The following FAM117A variants were observed in gnomAD, a reference collection of about 807,000 sequenced individuals.
The protein encoded by FAM117A is protein FAM117A.
Under a neutral mutation model 44.1 loss-of-function variants are expected in FAM117A, and 21 were observed. The ratio of observed to expected loss-of-function variants is 0.48; its 90% CI spans 0.34 to 0.69. The LOEUF is 0.69. Among genes scored for constraint, FAM117A ranks in the 30% least tolerant of loss-of-function variants. The pLI, the probability that FAM117A is intolerant of heterozygous loss-of-function variation, is 0.01. For synonymous variants in FAM117A, 220 were observed against 238.3 expected (o/e 0.92, Z 0.71); for missense variants, 498 against 589.9 (o/e 0.84, Z 1.61).
intron 1 of FAM117A, among the ~76,000 whole-genome samples, chr17:49,785,225 T>C (rs1482521522): frequency 6.6e-6 from 1 of 152,208 alleles, no homozygotes; most frequent in African/African-American, 2.4e-5. Flanking sequence ...AATTTAAAAC[T>C]TGTCCAAGGC....
Position 49,717,689 on chromosome 17 carries a change from C to T in FAM117A, c.734G>A (p.Arg245Gln), listed in dbSNP as rs1390424556. The change falls in exon 6 of 8, where the codon CGG becomes CAG. Residue 245 changes from arginine (R) to glutamine (Q), a missense_variant. Transcript: ENST00000240364. ...LRILDIPDGH[R>Q]APAPPQSGSC... ...GCCACTCTGGGGAGGAGCTGGGGCCCGGTGCCCATCAGGGATATCAAGGAT... is the reference window on the plus strand; with the variant it reads ...GCCACTCTGGGGAGGAGCTGGGGCCTGGTGCCCATCAGGGATATCAAGGAT... The T allele has an allele frequency of 5.0e-6, 8 of 1,611,252 alleles. No homozygotes were observed. The highest frequency in any genetic ancestry group is 6.8e-6 in the Non-Finnish European group (8 of 1,178,200).
upstream of FAM117A, chr17:49,788,891 G>A (rs1204702900): frequency 6.5e-7 from 1 of 1,547,224 alleles, no homozygotes; most frequent in African/African-American, 1.4e-5. Flanking sequence ...TCTAAGGACA[G>A]TCGATTGAGC....
At chr17:49,718,910 G>A (rs1481874827) in intron 5 of FAM117A, among the ~76,000 whole-genome samples, 2 of 149,250 alleles carry the variant, frequency 1.3e-5, no homozygotes, top group Non-Finnish European at 3.0e-5. Flanking sequence ...CCGGGAGGCG[G>A]AGATTGCAGT....
chr17:49,722,845 G>A (rs999311756), intron 2 of FAM117A, among the ~76,000 whole-genome samples: 38 of 152,104 alleles, frequency 2.5e-4, no homozygotes, highest in Admixed American at 2.5e-3. Flanking sequence ...TTTTCTGAGT[G>A]CTATACATAT....
intron 1 of FAM117A, among the ~76,000 whole-genome samples, chr17:49,740,453 G>C (rs922998377): frequency 6.6e-6 from 1 of 152,160 alleles, no homozygotes; most frequent in Admixed American, 6.5e-5. Flanking sequence ...GTTTCACCGT[G>C]TTAGCCAGGA....
chr17:49,761,831 TCTC>T (rs1388536367), intron 1 of FAM117A, among the ~76,000 whole-genome samples: 4 of 152,142 alleles, frequency 2.6e-5, no homozygotes, highest in Non-Finnish European at 4.4e-5. Flanking sequence ...GCCACTTTCT[TCTC>T]CTATTTTTTC....
intron 1 of FAM117A, among the ~76,000 whole-genome samples, chr17:49,761,408 A>C (rs144868390): frequency 6.6e-6 from 1 of 152,248 alleles, no homozygotes; most frequent in Admixed American, 6.5e-5. Context: ...AGCAGAGGGA[A>C]TAATAATATA....
chr17:49,724,883 T>A (rs2073553046), intron 2 of FAM117A, among the ~76,000 whole-genome samples: 1 of 148,446 alleles, frequency 6.7e-6, no homozygotes, highest in Non-Finnish European at 1.5e-5. Flanking sequence ...AAGAAAGGGA[T>A]GTGAAAATCA....
intron 1 of FAM117A, among the ~76,000 whole-genome samples, chr17:49,742,069 TAGAA>T (rs1485832019): frequency 6.6e-6 from 1 of 151,948 alleles, no homozygotes; most frequent in African/African-American, 2.4e-5. Flanking sequence ...GAAACTACAT[TAGAA>T]AGAAAGAAGA....
intron 7 of FAM117A, among the ~76,000 whole-genome samples, chr17:49,714,692 G>A (rs2073494219): frequency 6.7e-6 from 1 of 149,058 alleles, no homozygotes; most frequent in Non-Finnish European, 1.5e-5. Context: ...TGTTGCCCAG[G>A]CTGGAGTGCG....
intron 1 of FAM117A, among the ~76,000 whole-genome samples, chr17:49,734,204 CATCTGTAGTA>C (rs2073600119): frequency 6.6e-6 from 1 of 151,242 alleles, no homozygotes; most frequent in African/African-American, 2.4e-5. Context: ...AACACTTTCA[CATCTGTAGTA>C]ATCCCTTAAT....
intron 2 of FAM117A, among the ~76,000 whole-genome samples, chr17:49,724,955 G>A (rs910482053): frequency 6.6e-6 from 1 of 151,948 alleles, no homozygotes; most frequent in African/African-American, 2.4e-5. Flanking sequence ...GCTCAGCAAC[G>A]TCTTCCACCA....
chr17:49,724,716 G>GT (rs1245381789), intron 2 of FAM117A, among the ~76,000 whole-genome samples: 1 of 151,420 alleles, frequency 6.6e-6, no homozygotes, highest in Non-Finnish European at 1.5e-5. Flanking sequence ...AGCTATTCAG[G>GT]TAGCTGAGGC....
chr17:49,728,908 T>C (rs919982699), intron 2 of FAM117A, among the ~76,000 whole-genome samples: 4 of 152,170 alleles, frequency 2.6e-5, no homozygotes, highest in African/African-American at 9.7e-5. Context: ...ATATCACAAA[T>C]AACATATATC....
intron 1 of FAM117A, among the ~76,000 whole-genome samples, chr17:49,734,549 G>A (rs1369072289): frequency 1.3e-5 from 2 of 151,958 alleles, no homozygotes; most frequent in Non-Finnish European, 1.5e-5. Flanking sequence ...CCGAGATAGC[G>A]CCACTGCAGT....
intron 1 of FAM117A, among the ~76,000 whole-genome samples, chr17:49,748,049 G>A (rs1370997767): frequency 2.6e-5 from 4 of 152,138 alleles, no homozygotes; most frequent in African/African-American, 9.7e-5. Context: ...TTATGAGGTC[G>A]CCTCTCCTGT....
At chr17:49,754,810 G>T (rs185048526) in intron 1 of FAM117A, among the ~76,000 whole-genome samples, 100 of 151,954 alleles carry the variant, frequency 6.6e-4, no homozygotes, top group Admixed American at 3.2e-3. Context: ...AGGCCAAGGC[G>T]GGTGGATTAC....
In FAM117A at chr17:49,732,162, A is replaced by G. The variant is rs976176080; in HGVS notation, c.366+389T>C. On this transcript the variant is annotated intron_variant, in intron 2 of 7. Transcript: ENST00000240364. Reference sequence around the variant, plus strand: ...TACCCCGACACAAATACTCAAAGCTAAACTGAAAAACCCAGATTGACTTCT... The same window carrying G: ...TACCCCGACACAAATACTCAAAGCTGAACTGAAAAACCCAGATTGACTTCT... 1.7e-5 allele frequency: 3 copies of G among 172,654 alleles called. No homozygotes were observed. In the South Asian group the frequency reaches 3.8e-4, roughly 22 times the overall value. The allele number at this position is 172,654 out of a possible 1,614,324, so 10.7% of individuals were successfully genotyped here.
chr17:49,731,014 T>C (rs1264922335), intron 2 of FAM117A, among the ~76,000 whole-genome samples: 1 of 152,260 alleles, frequency 6.6e-6, no homozygotes, highest in African/African-American at 2.4e-5. Context: ...AATCTTGTCC[T>C]CATTTCCTTA....
Sources: gnomAD v4.1 joint callset for allele counts (sites outside exome capture counted in the v4.1 genomes callset) on GRCh38, gnomAD v4.1.1 for gene constraint, MANE v1.5 for transcripts, NCBI Gene and HGNC (gene_info 2026-07-23, HGNC 2026-07-21) for gene names.